The following TPRG1 variants were observed in gnomAD, a reference collection of about 807,000 sequenced individuals.
The protein encoded by TPRG1 is tumor protein p63-regulated gene 1 protein.
In TPRG1, 29 loss-of-function variants were observed where a neutral mutation model predicts 29.3. The observed-to-expected ratio is 0.99, with a 90% CI of 0.74 to 1.35. TPRG1 has a LOEUF of 1.35. TPRG1 is among the 40% of genes most tolerant of loss of function. The pLI is 0.00. For synonymous variants in TPRG1, 130 were observed against 116.8 expected (o/e 1.11, Z -0.73); for missense variants, 327 against 335.0 (o/e 0.98, Z 0.19).
At chr3:189,287,558 T>C (rs1007338407) in intron 4 of TPRG1, among the ~76,000 whole-genome samples, 2 of 151,354 alleles carry the variant, frequency 1.3e-5, no homozygotes, top group Non-Finnish European at 3.0e-5. Flanking sequence ...CCACCACACC[T>C]GGCTAATTTT....
intron 3 of TPRG1, 135 bp from the exon 4 acceptor site, chr3:189,238,598 T>C: frequency 3.2e-6 from 2 of 628,928 alleles, no homozygotes; most frequent in South Asian, 4.7e-5. Flanking sequence ...TGGTGTGGTA[T>C]TAGGTATTTC....
At chr3:189,116,264 G>A (rs957429983) in intron 1 of TPRG1, among the ~76,000 whole-genome samples, 2 of 151,758 alleles carry the variant, frequency 1.3e-5, no homozygotes, top group Non-Finnish European at 2.9e-5. Context: ...TGCAACTTCC[G>A]CCTCTTGGGT....
chr3:189,141,115 G>A (rs1724492179), intron 3 of TPRG1, among the ~76,000 whole-genome samples: 1 of 152,158 alleles, frequency 6.6e-6, no homozygotes, highest in Non-Finnish European at 1.5e-5. Flanking sequence ...GCAGGAAAAA[G>A]AGCTGCATGC....
intron 5 of TPRG1, among the ~76,000 whole-genome samples, chr3:189,312,141 C>G (rs9811279): frequency 1.5e-4 from 6 of 39,774 alleles, no homozygotes; most frequent in East Asian, 5.5e-4. Context: ...TTCTTTCTTT[C>G]TTTCTTTCTT....
intron 4 of TPRG1, among the ~76,000 whole-genome samples, chr3:189,282,433 A>T (rs978291875): frequency 3.3e-5 from 5 of 152,070 alleles, no homozygotes; most frequent in Admixed American, 3.3e-4. Context: ...AGACAGAGAG[A>T]GTGGGGGAGA....
chr3:189,178,742 C>A (rs1729828606), intron 1 of TPRG1, among the ~76,000 whole-genome samples: 1 of 152,212 alleles, frequency 6.6e-6, no homozygotes, highest in Admixed American at 6.5e-5. Flanking sequence ...TGGTTCTCTT[C>A]ACTGCCTTAC....
upstream of TPRG1, among the ~76,000 whole-genome samples, chr3:189,098,282 A>T (rs1718818171): frequency 6.6e-6 from 1 of 152,218 alleles, no homozygotes; most frequent in African/African-American, 2.4e-5. Flanking sequence ...ATGAAGAAAA[A>T]CAGGGACAAT....
intron 2 of TPRG1, among the ~76,000 whole-genome samples, chr3:189,130,768 A>T (rs1454345091): frequency 6.6e-6 from 1 of 152,226 alleles, no homozygotes; most frequent in African/African-American, 2.4e-5. Context: ...AGTACTATTT[A>T]AAAAATCCAA....
At chr3:189,165,162 C>A (rs529057859) in intron 5 of TPRG1, among the ~76,000 whole-genome samples, 42 of 152,142 alleles carry the variant, frequency 2.8e-4, no homozygotes, top group African/African-American at 1.0e-3. Flanking sequence ...TACCTAGGAA[C>A]GTTTATATCA....
At chr3:189,201,777 G>A (rs1354842819) in intron 1 of TPRG1, among the ~76,000 whole-genome samples, 2 of 152,012 alleles carry the variant, frequency 1.3e-5, no homozygotes, top group African/African-American at 2.4e-5. Flanking sequence ...TGCCTCCCAA[G>A]TAGCTGAGAT....
chr3:189,022,733 C>T (rs1360539927), intron 3 of TPRG1, among the ~76,000 whole-genome samples: 1 of 152,234 alleles, frequency 6.6e-6, no homozygotes, highest in African/African-American at 2.4e-5. Flanking sequence ...AGGCAGGCCT[C>T]CTTGAGCTGT....
chr3:189,247,599 T>C (rs1322329927), intron 4 of TPRG1, among the ~76,000 whole-genome samples: 5 of 152,020 alleles, frequency 3.3e-5, no homozygotes, highest in Admixed American at 3.3e-4. Flanking sequence ...TGGTTGTTTG[T>C]TTTTTTGGCA....
chr3:189,290,947 G>A (rs1054211082), intron 4 of TPRG1, among the ~76,000 whole-genome samples: 1 of 152,076 alleles, frequency 6.6e-6, no homozygotes, highest in Non-Finnish European at 1.5e-5. Flanking sequence ...CTGTCACCCA[G>A]GCTGGAGTGC....
At chr3:189,078,068 C>CTTTCTCTCTTTCTTT (rs57725294) in intron 4 of TPRG1, among the ~76,000 whole-genome samples, 1 of 124,146 alleles carries the variant, frequency 8.1e-6, no homozygotes, top group African/African-American at 3.4e-5. Flanking sequence ...TCCTTTCTCT[C>CTTTCTCTCTTTCTTT]CTTTCTCTCT....
chr3:189,012,350 G>A (rs942331526), intron 3 of TPRG1, among the ~76,000 whole-genome samples: 2 of 139,420 alleles, frequency 1.4e-5, no homozygotes, highest in South Asian at 2.5e-4. Context: ...AAGGAATGTT[G>A]AATTTTATCT....
At chr3:189,200,038 G>A (rs979766182) in intron 1 of TPRG1, among the ~76,000 whole-genome samples, 3 of 152,194 alleles carry the variant, frequency 2.0e-5, no homozygotes, top group Non-Finnish European at 2.9e-5. Flanking sequence ...TCACTCTGAG[G>A]GGACGGCAAA....
At chr3:189,186,888 T>A (rs1384840951) in intron 1 of TPRG1, among the ~76,000 whole-genome samples, 1 of 152,154 alleles carries the variant, frequency 6.6e-6, no homozygotes, top group Non-Finnish European at 1.5e-5. Flanking sequence ...ATTGTTCAGA[T>A]TCCTCTAGCA....
rs887357599 is a variant in TPRG1 at position 189,000,415 on chromosome 3, A to G, written c.-1015-359A>G. 5.9e-5 allele frequency among the ~76,000 whole-genome samples: 9 copies of G among 152,000 alleles called. No individual in the cohort carries two copies. The East Asian group carries it at 1.7e-3, about 29-fold the overall frequency. On this transcript the variant is annotated intron_variant, in intron 1 of 10. Coordinates refer to the TPRG1 transcript ENST00000433971. ...ATATAAACCTAATATCTAGGTTTTTATTTTTCAAAATAGTTAATTGTTCCA... is the reference window on the plus strand; with the variant it reads ...ATATAAACCTAATATCTAGGTTTTTGTTTTTCAAAATAGTTAATTGTTCCA...
At chr3:189,310,224 AT>A (rs1722261360) in intron 4 of TPRG1, 161 bp from the exon 5 acceptor site, 1 of 505,306 alleles carries the variant, frequency 2.0e-6, no homozygotes. Flanking sequence ...TGAATTTCCT[AT>A]TTTTAAAACC....
Sources: gnomAD v4.1 joint callset for allele counts (sites outside exome capture counted in the v4.1 genomes callset) on GRCh38, gnomAD v4.1.1 for gene constraint, MANE v1.5 for transcripts, NCBI Gene and HGNC (gene_info 2026-07-23, HGNC 2026-07-21) for gene names.